Variants in SLC1A3 observed in about 807,000 individuals in gnomAD.
SLC1A3 encodes the protein excitatory amino acid transporter 1.
SLC1A3 carries 21 observed loss-of-function variants against 48.1 expected under a neutral mutation model. That is an observed-to-expected ratio of 0.44 (90% CI 0.31 to 0.63). The LOEUF is 0.63. Among genes scored for constraint, SLC1A3 ranks in the 20% least tolerant of loss-of-function variants. SLC1A3 has a pLI of 0.08. For synonymous variants in SLC1A3, 239 were observed against 251.4 expected, an observed-to-expected ratio of 0.95 and a Z score of 0.47; for missense variants, 546 against 689.0, an observed-to-expected ratio of 0.79 and a Z score of 2.32.
chr5:36,607,334 T>C (rs1490327735), intron 1 of SLC1A3: 1 of 152,080 alleles, frequency 6.6e-6, no homozygotes, highest in Non-Finnish European at 1.5e-5. Flanking sequence ...TTCACTCGGA[T>C]TGATTATGGG....
chr5:36,659,015 T>C (rs1252626089), intron 3 of SLC1A3, among the ~76,000 whole-genome samples: 3 of 152,088 alleles, frequency 2.0e-5, no homozygotes, highest in African/African-American at 7.2e-5. Flanking sequence ...GATATATGGC[T>C]TCCTTTCAAA....
At chr5:36,659,256 T>C (rs927070203) in intron 3 of SLC1A3, among the ~76,000 whole-genome samples, 9 of 152,146 alleles carry the variant, frequency 5.9e-5, no homozygotes, top group African/African-American at 1.9e-4. Context: ...TGTTTCCTAA[T>C]CCATAAATGC....
intron 2 of SLC1A3, among the ~76,000 whole-genome samples, chr5:36,629,202 A>AT (rs1740028605): frequency 6.6e-6 from 1 of 152,002 alleles, no homozygotes; most frequent in African/African-American, 2.4e-5. Flanking sequence ...AGACAAAGGG[A>AT]TTTTTTTACT....
intron 2 of SLC1A3, chr5:36,613,462 A>G (rs572210854): frequency 6.6e-6 from 1 of 152,508 alleles, no homozygotes; most frequent in South Asian, 2.1e-4. Flanking sequence ...GTGGTTTGCT[A>G]TCAGCTGCTG....
chr5:36,657,695 T>G (rs1353841214), intron 3 of SLC1A3, among the ~76,000 whole-genome samples: 1 of 152,226 alleles, frequency 6.6e-6, no homozygotes, highest in Non-Finnish European at 1.5e-5. Flanking sequence ...GAGCAAGGAA[T>G]AAGTGTACAT....
chr5:36,663,385 T>TA (rs1580011228), intron 3 of SLC1A3, among the ~76,000 whole-genome samples: 1 of 139,420 alleles, frequency 7.2e-6, no homozygotes, highest in East Asian at 2.0e-4. Flanking sequence ...CCGGCATTTT[T>TA]TTTTTTTTTT....
At chr5:36,681,633 G>A (rs1742445321) in intron 8 of SLC1A3, among the ~76,000 whole-genome samples, 2 of 152,144 alleles carry the variant, frequency 1.3e-5, no homozygotes, top group African/African-American at 2.4e-5. Context: ...GGCAACCAGT[G>A]TTACCTGCAA....
At chr5:36,660,743 A>G (rs1258438196) in intron 3 of SLC1A3, among the ~76,000 whole-genome samples, 2 of 152,240 alleles carry the variant, frequency 1.3e-5, no homozygotes. Flanking sequence ...ATTCTTTTAT[A>G]GGAACTATTC....
At chr5:36,652,710 G>A (rs1741133230) in intron 3 of SLC1A3, among the ~76,000 whole-genome samples, 1 of 152,166 alleles carries the variant, frequency 6.6e-6, no homozygotes, top group South Asian at 2.1e-4. Flanking sequence ...TGTCTCACAT[G>A]GCTTTATTCT....
rs148343666 is a variant in SLC1A3, at chr5:36,686,456, A to G, written c.*187A>G. 6.2e-5 allele frequency: 38 copies of G among 609,410 alleles called. No individual in the cohort carries two copies. In the East Asian group the frequency reaches 1.0e-3, roughly 17 times the overall value. 37.8% of individuals were successfully genotyped at this position (609,410 alleles called of 1,614,324 possible). ...TGGGTGGCCAAAGTGTACAATTTTC[A>G]TCCCACAATTGAAATTTTTAAATCA... On this transcript the variant is annotated 3_prime_UTR_variant, in exon 10 of 10. Transcript: ENST00000265113.
intron 3 of SLC1A3, among the ~76,000 whole-genome samples, chr5:36,655,101 G>T (rs1014527278): frequency 6.6e-6 from 1 of 152,296 alleles, no homozygotes; most frequent in East Asian, 1.9e-4. Context: ...CCTCCTGGGG[G>T]ACCTGGAGGT....
intron 2 of SLC1A3, among the ~76,000 whole-genome samples, chr5:36,609,806 C>A (rs1038984489): frequency 6.6e-6 from 1 of 152,124 alleles, no homozygotes; most frequent in Non-Finnish European, 1.5e-5. Flanking sequence ...GGTTTCCAGG[C>A]TTGAATATAT....
intron 3 of SLC1A3, among the ~76,000 whole-genome samples, chr5:36,630,889 T>C (rs907034356): frequency 1.3e-5 from 2 of 152,228 alleles, no homozygotes; most frequent in African/African-American, 4.8e-5. Flanking sequence ...TACTTGTTTG[T>C]GAAGCTGGGA....
chr5:36,647,044 C>T (rs1168455735), intron 3 of SLC1A3, among the ~76,000 whole-genome samples: 1 of 152,168 alleles, frequency 6.6e-6, no homozygotes, highest in Non-Finnish European at 1.5e-5. Flanking sequence ...CTCATCGAAA[C>T]CACCTCTATT....
At chr5:36,623,331 C>T (rs983577450) in intron 2 of SLC1A3, among the ~76,000 whole-genome samples, 5 of 152,126 alleles carry the variant, frequency 3.3e-5, no homozygotes, top group Non-Finnish European at 1.5e-5. Context: ...CACCTAGATG[C>T]AAACTTTGCA....
chr5:36,657,809 G>C (rs1183932433), intron 3 of SLC1A3, among the ~76,000 whole-genome samples: 1 of 152,190 alleles, frequency 6.6e-6, no homozygotes, highest in Non-Finnish European at 1.5e-5. Context: ...ACCAACAGTA[G>C]GAAGTGGTGG....
chr5:36,624,527 T>A (rs1739824577), intron 2 of SLC1A3, among the ~76,000 whole-genome samples: 1 of 152,200 alleles, frequency 6.6e-6, no homozygotes, highest in African/African-American at 2.4e-5. Context: ...TGATTCCTCA[T>A]CTGTGAGATG....
intron 2 of SLC1A3, among the ~76,000 whole-genome samples, chr5:36,612,536 C>T (rs983281515): frequency 2.6e-5 from 4 of 151,876 alleles, no homozygotes; most frequent in African/African-American, 9.7e-5. Flanking sequence ...CTGCAGTGAG[C>T]CATGTTCATG....
chr5:36,625,450 C>G (rs909681031), intron 2 of SLC1A3, among the ~76,000 whole-genome samples: 4 of 152,090 alleles, frequency 2.6e-5, no homozygotes, highest in Non-Finnish European at 5.9e-5. Flanking sequence ...GAGTAAGACT[C>G]TATCTCAAAA....
Sources: allele counts gnomAD v4.1 joint callset (sites outside exome capture counted in the v4.1 genomes callset), GRCh38; gene constraint gnomAD v4.1.1; transcripts MANE v1.5; gene names NCBI Gene and HGNC (gene_info 2026-07-23, HGNC 2026-07-21).